The following CSTA variants were observed in gnomAD, a reference collection of about 807,000 sequenced individuals.
CSTA encodes the protein cystatin-A.
CSTA carries 9 observed loss-of-function variants against 9.2 expected under a neutral mutation model. That is an observed-to-expected ratio of 0.97 (90% CI 0.59 to 1.70). The LOEUF is 1.70. Ranked by LOEUF, CSTA falls within the 40% of genes most tolerant of loss-of-function variation. The pLI, the probability that CSTA is intolerant of heterozygous loss-of-function variation, is 0.00. For missense variants in CSTA, 118 were observed against 113.1 expected, an observed-to-expected ratio of 1.04 and a Z score of -0.20; for synonymous variants, 36 against 40.6, an observed-to-expected ratio of 0.89 and a Z score of 0.43.
rs1366987962 is a variant in CSTA at position 122,333,652 on chromosome 3, GAAAGGAAGAAA to G, written c.67-3883_67-3873del. 4.2e-3 allele frequency among the ~76,000 whole-genome samples: 607 copies of G among 145,542 alleles called. 8 individuals are homozygous for G. Among genetic ancestry groups the G allele is most frequent in the African/African-American group, 0.014 (547 of 39,520 alleles). ...GGAAAGGAAGGAAGGAAAAGGAAAGGAAAGGAAGAAAAAAGGAAGAAAGAAAGAAGAAAGAA... is the reference window on the plus strand; with the variant it reads ...GGAAAGGAAGGAAGGAAAAGGAAAGGAAAGGAAGAAAGAAAGAAGAAAGAA... On this transcript the variant is annotated intron_variant, in intron 1 of 2. Coordinates refer to ENST00000264474, the MANE Select transcript of CSTA (RefSeq NM_005213.4).
At chr3:122,330,358 A>G (rs1030112742) in intron 1 of CSTA, among the ~76,000 whole-genome samples, 2 of 152,242 alleles carry the variant, frequency 1.3e-5, no homozygotes, top group Admixed American at 6.5e-5. Flanking sequence ...GAAGAACCCC[A>G]TTAGAAGGAG....
At chr3:122,337,504 T>A in intron 1 of CSTA, 43 bp from the exon 2 acceptor site, 4 of 1,369,832 alleles carry the variant, frequency 2.9e-6, no homozygotes, top group Non-Finnish European at 4.2e-6. Flanking sequence ...ACATGGAGTC[T>A]AATATAGCTT....
chr3:122,333,279 G>T (rs1324253247), intron 1 of CSTA, among the ~76,000 whole-genome samples: 2 of 152,236 alleles, frequency 1.3e-5, no homozygotes, highest in Non-Finnish European at 2.9e-5. Flanking sequence ...GGGAGACCAA[G>T]GTGGGTGGAT....
intron 2 of CSTA, among the ~76,000 whole-genome samples, chr3:122,340,884 C>G (rs889550498): frequency 4.3e-4 from 65 of 151,330 alleles, no homozygotes; most frequent in Non-Finnish European, 1.0e-4. Context: ...CCAGATTATA[C>G]TAAAAAAAAT....
At chr3:122,333,660 GA>G (rs1418155804) in intron 1 of CSTA, among the ~76,000 whole-genome samples, 1 of 139,670 alleles carries the variant, frequency 7.2e-6, no homozygotes, top group Non-Finnish European at 1.6e-5. Context: ...AGGAAAGGAA[GA>G]AAAAAGGAAG....
In CSTA at chr3:122,325,288, C is replaced by T; in HGVS notation, c.-5C>T. On this transcript the variant is annotated 5_prime_UTR_variant, in exon 1 of 3. Transcript: ENST00000264474. ...TCCTGTCCAGCAAAGAAGCAATCAG[C>T]CAAAATGATACCTGGAGGCTTATCT... 1 of 1,613,952 alleles carries T rather than the reference C, an allele frequency of 6.2e-7. No homozygotes were observed. Among genetic ancestry groups the T allele is most frequent in the Non-Finnish European group, 8.5e-7 (1 of 1,179,958 alleles).
chr3:122,328,157 T>C (rs2075181299), intron 1 of CSTA, among the ~76,000 whole-genome samples: 1 of 152,168 alleles, frequency 6.6e-6, no homozygotes, highest in South Asian at 2.1e-4. Flanking sequence ...GCAGGGAAGA[T>C]ATTGTGTCTA....
intron 1 of CSTA, among the ~76,000 whole-genome samples, chr3:122,331,717 C>T (rs973902069): frequency 6.6e-6 from 1 of 152,202 alleles, no homozygotes; most frequent in Admixed American, 6.5e-5. Context: ...AACATTCTTG[C>T]AGTCATATTT....
chr3:122,329,655 A>G (rs2075192679), intron 1 of CSTA, among the ~76,000 whole-genome samples: 1 of 152,240 alleles, frequency 6.6e-6, no homozygotes, highest in Non-Finnish European at 1.5e-5. Context: ...CTAGGTGTCT[A>G]GCATTATGCT....
chr3:122,332,242 C>T (rs940393300), intron 1 of CSTA, among the ~76,000 whole-genome samples: 1 of 152,162 alleles, frequency 6.6e-6, no homozygotes, highest in Non-Finnish European at 1.5e-5. Context: ...CCTCCCTAGA[C>T]TCTATTCTCC....
chr3:122,337,972 C>T (rs956311832), intron 2 of CSTA: 2 of 322,104 alleles, frequency 6.2e-6, no homozygotes, highest in African/African-American at 4.4e-5. Context: ...TCTCATCTGC[C>T]TGAAGGTGTG....
intron 1 of CSTA, among the ~76,000 whole-genome samples, chr3:122,335,130 A>G (rs978088243): frequency 6.6e-6 from 1 of 152,188 alleles, no homozygotes; most frequent in Non-Finnish European, 1.5e-5. Flanking sequence ...TGGGCTCAGT[A>G]AAAGTTTACA....
rs1187775255 is a variant in CSTA, at chr3:122,341,668, A to G, written c.*101A>G. The G allele has an allele frequency of 1.4e-6, 2 of 1,400,176 alleles. No individual in the cohort carries two copies. Among genetic ancestry groups the G allele is most frequent in the African/African-American group, 1.4e-5 (1 of 69,700 alleles). 86.7% of individuals were successfully genotyped at this position (1,400,176 alleles called of 1,614,324 possible). A position where few individuals can be genotyped will look rare whatever the true frequency, so the allele number is the denominator to read the frequency against. On this transcript the variant is annotated 3_prime_UTR_variant, in exon 3 of 3. Coordinates refer to ENST00000264474, the MANE Select transcript of CSTA (RefSeq NM_005213.4). The stretch of plus-strand genomic sequence containing the variant: ...AATAAAGAAGCATTCTTTTCCAAAG[A>G]AATTATTTCTTCAATTATTTCTCAT...
chr3:122,340,718 T>TA (rs1040465869), intron 2 of CSTA, among the ~76,000 whole-genome samples: 1 of 152,200 alleles, frequency 6.6e-6, no homozygotes, highest in African/African-American at 2.4e-5. Flanking sequence ...ATCCCAAATT[T>TA]TCTAGGGCAA....
intron 1 of CSTA, among the ~76,000 whole-genome samples, chr3:122,337,322 C>A (rs1340027854): frequency 1.3e-5 from 2 of 152,138 alleles, no homozygotes; most frequent in Non-Finnish European, 2.9e-5. Flanking sequence ...TATTGCATTA[C>A]CACACTGAGT....
intron 1 of CSTA, among the ~76,000 whole-genome samples, chr3:122,328,499 C>CAAAA (rs34247215): frequency 9.3e-5 from 8 of 86,010 alleles, no homozygotes; most frequent in Non-Finnish European, 1.1e-4. Context: ...GATTCCATCT[C>CAAAA]AAAAAAAAAA....
At chr3:122,337,734 C>T in intron 2 of CSTA, 86 bp downstream of exon 2, 2 of 949,020 alleles carry the variant, frequency 2.1e-6, no homozygotes, top group Non-Finnish European at 3.5e-6. Flanking sequence ...CCACATAATT[C>T]CTTCCTTACG....
chr3:122,330,725 T>C (rs1336981997), intron 1 of CSTA, among the ~76,000 whole-genome samples: 3 of 152,196 alleles, frequency 2.0e-5, no homozygotes, highest in African/African-American at 7.2e-5. Context: ...AAAACAACTG[T>C]GGTCTTTTCA....
chr3:122,327,828 C>G (rs563693959), intron 1 of CSTA, among the ~76,000 whole-genome samples: 1 of 152,152 alleles, frequency 6.6e-6, no homozygotes, highest in Non-Finnish European at 1.5e-5. Context: ...AGAGACAGTA[C>G]AGAAAATTTT....
Sources: allele counts gnomAD v4.1 joint callset (sites outside exome capture counted in the v4.1 genomes callset), GRCh38; gene constraint gnomAD v4.1.1; transcripts MANE v1.5; gene names NCBI Gene and HGNC (gene_info 2026-07-23, HGNC 2026-07-21).